PAK5: variants seen among roughly 807,000 people sequenced by gnomAD.
PAK5 encodes the protein serine/threonine-protein kinase PAK 5.
In PAK5, 16 loss-of-function variants were observed where a neutral mutation model predicts 65.9. The observed-to-expected ratio is 0.24, with a 90% confidence interval of 0.16 to 0.37. PAK5 has a LOEUF of 0.37. Among genes scored for constraint, PAK5 ranks in the 10% least tolerant of loss-of-function variants. The pLI is 1.00. For missense variants in PAK5, 785 were observed against 903.9 expected, an observed-to-expected ratio of 0.87 and a Z score of 1.69; for synonymous variants, 371 against 354.9, an observed-to-expected ratio of 1.05 and a Z score of -0.51.
At chr20:9,624,043 G>A (rs1212020879) in intron 3 of PAK5, among the ~76,000 whole-genome samples, 2 of 151,912 alleles carry the variant, frequency 1.3e-5, no homozygotes, top group Non-Finnish European at 2.9e-5. Context: ...CCCACTTTAG[G>A]GTCATGGTAT....
At chr20:9,653,269 G>A (rs1256561925) in intron 2 of PAK5, among the ~76,000 whole-genome samples, 1 of 152,182 alleles carries the variant, frequency 6.6e-6, no homozygotes, top group Non-Finnish European at 1.5e-5. Flanking sequence ...TGCATGGAAA[G>A]TGTGTTAAAT....
At chr20:9,645,299 C>T (rs1026369857) in intron 2 of PAK5, among the ~76,000 whole-genome samples, 3 of 152,158 alleles carry the variant, frequency 2.0e-5, no homozygotes, top group African/African-American at 7.2e-5. Context: ...ACCAGAATAC[C>T]TCTAGAAAAT....
At chr20:9,684,907 C>T (rs2047697966) in intron 2 of PAK5, among the ~76,000 whole-genome samples, 1 of 152,174 alleles carries the variant, frequency 6.6e-6, no homozygotes, top group African/African-American at 2.4e-5. Context: ...GTCCTTCATT[C>T]TCAGAGGAGG....
At chr20:9,586,256 A>T (rs2046067852) in intron 3 of PAK5, among the ~76,000 whole-genome samples, 1 of 152,182 alleles carries the variant, frequency 6.6e-6, no homozygotes, top group Non-Finnish European at 1.5e-5. Flanking sequence ...GTAATTTAGA[A>T]GGAAAAAAAA....
chr20:9,741,708 C>G (rs910077097), intron 1 of PAK5, among the ~76,000 whole-genome samples: 25 of 152,140 alleles, frequency 1.6e-4, no homozygotes, highest in Non-Finnish European at 3.1e-4. Context: ...AAATGTTAGG[C>G]TCTATCATGA....
At chr20:9,745,147 T>C (rs1399384076) in intron 1 of PAK5, among the ~76,000 whole-genome samples, 2 of 152,150 alleles carry the variant, frequency 1.3e-5, no homozygotes, top group Non-Finnish European at 2.9e-5. Flanking sequence ...TTACCTGACA[T>C]TGGGGCTCAT....
chr20:9,553,649 T>C (rs942555404), intron 7 of PAK5, among the ~76,000 whole-genome samples: 2 of 151,888 alleles, frequency 1.3e-5, no homozygotes, highest in African/African-American at 2.4e-5. Context: ...ATAACTTCCC[T>C]GAGGTTCACC....
chr20:9,768,820 AG>A (rs1323405738), intron 1 of PAK5, among the ~76,000 whole-genome samples: 1 of 141,434 alleles, frequency 7.1e-6, no homozygotes, highest in Non-Finnish European at 1.5e-5. Flanking sequence ...AGGGAAAGAA[AG>A]AAAAAAAAAA....
intron 1 of PAK5, among the ~76,000 whole-genome samples, chr20:9,820,906 C>T (rs2123771800): frequency 6.6e-6 from 1 of 152,300 alleles, no homozygotes; most frequent in Admixed American, 6.5e-5. Flanking sequence ...AAGGAAGGCT[C>T]AATGTTGGTG....
At chr20:9,691,710 C>T (rs1227066779) in intron 2 of PAK5, among the ~76,000 whole-genome samples, 1 of 152,174 alleles carries the variant, frequency 6.6e-6, no homozygotes, top group Non-Finnish European at 1.5e-5. Context: ...ATGAAAACTA[C>T]AAATGTACTC....
chr20:9,645,880 C>T (rs1482228881), intron 2 of PAK5, among the ~76,000 whole-genome samples: 1 of 152,162 alleles, frequency 6.6e-6, no homozygotes, highest in Non-Finnish European at 1.5e-5. Context: ...GCCACTGCGC[C>T]CAGCCTATCT....
chr20:9,770,163 G>T (rs146565354), intron 1 of PAK5, among the ~76,000 whole-genome samples: 1 of 152,084 alleles, frequency 6.6e-6, no homozygotes, highest in Non-Finnish European at 1.5e-5. Flanking sequence ...GAAAGAGGAC[G>T]GTCGACTTCC....
chr20:9,539,962 A>G (rs539502565), intron 9 of PAK5, among the ~76,000 whole-genome samples: 3 of 152,316 alleles, frequency 2.0e-5, no homozygotes, highest in African/African-American at 7.2e-5. Flanking sequence ...CATAGTATAA[A>G]CAGGGAGCCG....
chr20:9,593,806 A>ATCTCTCTCTCTCTCTCTCTT (rs1475762377), intron 3 of PAK5, among the ~76,000 whole-genome samples: 1 of 147,428 alleles, frequency 6.8e-6, no homozygotes, highest in Non-Finnish European at 1.5e-5. Flanking sequence ...TATCCCAAGG[A>ATCTCTCTCTCTCTCTCTCTT]TCTCTCTCTC....
intron 3 of PAK5, among the ~76,000 whole-genome samples, chr20:9,610,099 A>G (rs1485211474): frequency 6.6e-6 from 1 of 152,176 alleles, no homozygotes; most frequent in Non-Finnish European, 1.5e-5. Flanking sequence ...AGATAAAAGC[A>G]ACCGCAAGGT....
intron 1 of PAK5, among the ~76,000 whole-genome samples, chr20:9,718,784 A>G (rs182333141): frequency 1.3e-5 from 2 of 152,224 alleles, no homozygotes; most frequent in East Asian, 1.9e-4. Flanking sequence ...CACTCTGCCA[A>G]TTTTTCTTTG....
At chr20:9,676,511 T>C (rs953338918) in intron 2 of PAK5, among the ~76,000 whole-genome samples, 9 of 151,450 alleles carry the variant, frequency 5.9e-5, no homozygotes, top group Non-Finnish European at 7.4e-5. Context: ...GTGAATATTA[T>C]TGATGTCATT....
intron 3 of PAK5, among the ~76,000 whole-genome samples, chr20:9,588,828 G>A (rs1411028410): frequency 6.6e-6 from 1 of 152,170 alleles, no homozygotes; most frequent in Non-Finnish European, 1.5e-5. Flanking sequence ...AAGCCATGGT[G>A]CTCATTGTCT....
intron 1 of PAK5, among the ~76,000 whole-genome samples, chr20:9,771,292 C>G (rs1022976790): frequency 3.0e-4 from 46 of 152,120 alleles, no homozygotes; most frequent in Admixed American, 2.9e-3. Context: ...TGAAATTGAC[C>G]TATTATATGT....
Sources: allele counts gnomAD v4.1 joint callset (sites outside exome capture counted in the v4.1 genomes callset), GRCh38; gene constraint gnomAD v4.1.1; transcripts MANE v1.5; gene names NCBI Gene and HGNC (gene_info 2026-07-23, HGNC 2026-07-21).